WDR7: variants seen among roughly 807,000 people sequenced by gnomAD.
WDR7 encodes the protein WD repeat domain 7.
In WDR7, 46 loss-of-function variants were observed where a neutral mutation model predicts 169.4. The ratio of observed to expected loss-of-function variants is 0.27; its 90% CI spans 0.21 to 0.35. The LOEUF (loss-of-function observed/expected upper bound fraction) is 0.35, where lower values mean the gene tolerates loss of function less well. Ranked by LOEUF, WDR7 falls within the 10% of genes least tolerant of loss-of-function variation. WDR7 has a pLI of 1.00. For synonymous variants in WDR7, 612 were observed against 666.8 expected (o/e 0.92, Z 1.27); for missense variants, 1,534 against 1,859.3 (o/e 0.83, Z 3.22).
chr18:57,001,573 AACTTC>A (rs941758232), intron 26 of WDR7, among the ~76,000 whole-genome samples: 54 of 152,296 alleles, frequency 3.5e-4, no homozygotes, highest in Admixed American at 1.4e-3. Context: ...CACATAAAAT[AACTTC>A]ACTTGTTTTA....
intron 26 of WDR7, 140 bp from the exon 27 acceptor site, chr18:57,020,605 T>A: frequency 1.3e-6 from 1 of 776,118 alleles, no homozygotes; most frequent in Middle Eastern, 2.6e-4. Context: ...CTTATTTTTC[T>A]AAGCTGATTT....
intron 20 of WDR7, among the ~76,000 whole-genome samples, chr18:56,854,534 T>TAGGC (rs959256085): frequency 1.2e-4 from 18 of 152,180 alleles, no homozygotes; most frequent in African/African-American, 4.3e-4. Context: ...CTTCTTTGGA[T>TAGGC]AGGCATGACT....
intron 20 of WDR7, 34 bp from the exon 21 acceptor site, chr18:56,879,910 G>C (rs1198577765): frequency 6.5e-7 from 1 of 1,531,390 alleles, no homozygotes; most frequent in Non-Finnish European, 9.0e-7. Flanking sequence ...ATATTGATTT[G>C]TTCTAAGTTG....
chr18:56,819,477 C>A (rs780680549), intron 20 of WDR7, among the ~76,000 whole-genome samples: 22 of 152,134 alleles, frequency 1.4e-4, no homozygotes, highest in Non-Finnish European at 1.3e-4. Context: ...CTCAGTTTTA[C>A]TTAGCGTTCT....
chr18:56,988,394 T>G (rs1351196879), intron 26 of WDR7, among the ~76,000 whole-genome samples: 1 of 152,222 alleles, frequency 6.6e-6, no homozygotes, highest in Admixed American at 6.5e-5. Flanking sequence ...TTGCCCACCT[T>G]CTCAGCCAAT....
intron 1 of WDR7, among the ~76,000 whole-genome samples, chr18:56,667,911 CAG>C (rs1409811670): frequency 6.6e-6 from 1 of 152,188 alleles, no homozygotes; most frequent in African/African-American, 2.4e-5. Context: ...AGTGAGTACA[CAG>C]AGTGTGCATC....
At chr18:56,710,524 G>A (rs549380006) in intron 12 of WDR7, among the ~76,000 whole-genome samples, 1 of 152,156 alleles carries the variant, frequency 6.6e-6, no homozygotes, top group East Asian at 1.9e-4. Flanking sequence ...GTATTTAATT[G>A]TTCCCAGTAT....
chr18:56,678,814 C>T lies in WDR7; in HGVS notation c.160-518C>T, dbSNP rs1332020609. Among the ~76,000 whole-genome samples, 11 of 152,228 alleles carry T rather than the reference C, an allele frequency of 7.2e-5. No individual in the cohort carries two copies. In the East Asian group the frequency reaches 2.1e-3, roughly 29 times the overall value. ...CCAGCAGCACTGTGGTTCTTGCAGACTCGTAGAGGTACCGCCTTGATGGGC... is the reference window on the plus strand; with the variant it reads ...CCAGCAGCACTGTGGTTCTTGCAGATTCGTAGAGGTACCGCCTTGATGGGC... On this transcript the variant is annotated intron_variant, in intron 2 of 27. Coordinates refer to ENST00000254442, the MANE Select transcript of WDR7 (RefSeq NM_015285.3).
chr18:56,757,121 A>G lies in WDR7; in HGVS notation c.2528A>G (p.His843Arg). ...VSFGLLSRGGHMSLMLPGYNQ... is the reference protein window; with the variant it reads ...VSFGLLSRGGRMSLMLPGYNQ... ...TTTGGCCTCTTGTCAAGAGGAGGCC[A>G]TATGTCACTGATGCTGCCGGGTTAT... Residue 843 changes from histidine (H) to arginine (R), a missense_variant, in exon 15 of 28, where the codon CAT (histidine) becomes CGT (arginine). His to Arg is a conservative substitution (Grantham distance 29, BLOSUM62 0). Coordinates refer to ENST00000254442, the MANE Select transcript of WDR7 (RefSeq NM_015285.3). 1 of 1,614,144 alleles carries G rather than the reference A, an allele frequency of 6.2e-7. No homozygotes were observed. Among genetic ancestry groups the G allele is most frequent in the South Asian group, 1.1e-5 (1 of 91,080 alleles).
At chr18:56,972,768 A>C (rs2047508217) in intron 26 of WDR7, among the ~76,000 whole-genome samples, 1 of 152,226 alleles carries the variant, frequency 6.6e-6, no homozygotes, top group Non-Finnish European at 1.5e-5. Flanking sequence ...TTTTTTAAAG[A>C]ATAGTTTTAA....
intron 19 of WDR7, 30 bp from the exon 20 acceptor site, chr18:56,816,001 G>A (rs773257106): frequency 1.3e-6 from 2 of 1,525,016 alleles, no homozygotes; most frequent in East Asian, 2.3e-5. Flanking sequence ...ATTTTTTGAA[G>A]TGAAGCCTTG....
intron 1 of WDR7, among the ~76,000 whole-genome samples, chr18:56,653,262 A>G (rs1350720466): frequency 1.3e-5 from 2 of 151,518 alleles, no homozygotes; most frequent in East Asian, 1.9e-4. Context: ...GCTGGAGTGC[A>G]GTGGCGTGAT....
At chr18:56,831,810 G>T (rs1448975890) in intron 20 of WDR7, among the ~76,000 whole-genome samples, 1 of 152,134 alleles carries the variant, frequency 6.6e-6, no homozygotes, top group African/African-American at 2.4e-5. Flanking sequence ...CAACCCAGAT[G>T]CTATGCTTTT....
chr18:56,703,198 TTCCCGGC>T (rs1360112732), intron 12 of WDR7, among the ~76,000 whole-genome samples: 1 of 152,190 alleles, frequency 6.6e-6, no homozygotes, highest in Non-Finnish European at 1.5e-5. Flanking sequence ...CAGTATTAGA[TTCCCGGC>T]TCCTAGAAAC....
At chr18:56,998,162 G>C (rs991595673) in intron 26 of WDR7, among the ~76,000 whole-genome samples, 1 of 152,122 alleles carries the variant, frequency 6.6e-6, no homozygotes, top group Non-Finnish European at 1.5e-5. Flanking sequence ...ATATCAAAAA[G>C]CCCCAAGGTA....
chr18:56,675,335 G>T (rs1414230998), intron 2 of WDR7, among the ~76,000 whole-genome samples: 1 of 151,894 alleles, frequency 6.6e-6, no homozygotes, highest in Admixed American at 6.6e-5. Context: ...CAAATTTTCT[G>T]ACCCATGAAC....
intron 22 of WDR7, among the ~76,000 whole-genome samples, chr18:56,926,446 G>C (rs1414650562): frequency 6.6e-6 from 1 of 152,220 alleles, no homozygotes; most frequent in East Asian, 1.9e-4. Context: ...CACAATTTCA[G>C]TAGTATACAC....
chr18:56,906,450 C>T (rs1335760467), intron 21 of WDR7, among the ~76,000 whole-genome samples: 4 of 151,918 alleles, frequency 2.6e-5, no homozygotes, highest in Non-Finnish European at 4.4e-5. Flanking sequence ...GTGGATGAAA[C>T]AAGATTAGCC....
intron 12 of WDR7, among the ~76,000 whole-genome samples, chr18:56,706,010 A>C (rs1403593178): frequency 6.6e-6 from 1 of 152,216 alleles, no homozygotes; most frequent in Non-Finnish European, 1.5e-5. Flanking sequence ...AAACCACAAC[A>C]AAAAGAAAAT....
Sources: gnomAD v4.1 joint callset for allele counts (sites outside exome capture counted in the v4.1 genomes callset) on GRCh38, gnomAD v4.1.1 for gene constraint, MANE v1.5 for transcripts, NCBI Gene and HGNC (gene_info 2026-07-23, HGNC 2026-07-21) for gene names.